KCNT1: variants seen among roughly 807,000 people sequenced by gnomAD.
The protein encoded by KCNT1 is potassium sodium-activated channel subfamily T member 1.
KCNT1 carries 78 observed loss-of-function variants against 147.8 expected under a neutral mutation model. That is an observed-to-expected ratio of 0.53 (90% CI 0.44 to 0.64). The LOEUF (loss-of-function observed/expected upper bound fraction) is 0.64, where lower values mean the gene tolerates loss of function less well. Among genes scored for constraint, KCNT1 ranks in the 30% least tolerant of loss-of-function variants. The pLI is 0.00. For missense variants in KCNT1, 1,419 were observed against 1,750.3 expected (o/e 0.81, Z 3.38); for synonymous variants, 867 against 748.8 (o/e 1.16, Z -2.58).
At chr9:135,753,864 A>C in intron 4 of KCNT1, 73 bp from the exon 5 acceptor site, 1 of 1,534,502 alleles carries the variant, frequency 6.5e-7, no homozygotes, top group East Asian at 2.3e-5. Context: ...AGCCTGTGGA[A>C]GCCCTCGGGC....
At position 135,714,743 on chromosome 9, in the gene KCNT1, G is replaced by A; in HGVS notation, c.254+23G>A. The A allele has an allele frequency of 7.8e-7, 1 of 1,278,652 alleles. No individual in the cohort carries two copies. Among genetic ancestry groups the A allele is most frequent in the Non-Finnish European group, 1.0e-6 (1 of 997,606 alleles). 79.2% of individuals were successfully genotyped at this position (1,278,652 alleles called of 1,614,324 possible). A position where few individuals can be genotyped will look rare whatever the true frequency, so the allele number is the denominator to read the frequency against. ...CAGGTAGGGACCGGGCGCGGGGTGG[G>A]GGCTGGGGTCGCCGTCCCGGCGCCG... On this transcript the variant is annotated intron_variant, in intron 2 of 30. Coordinates refer to ENST00000371757, the MANE Select transcript of KCNT1 (RefSeq NM_020822.3). This position sits in a 1 kb window ranked among gnomAD's most constrained non-coding sequence, Gnocchi z 6.2.
chr9:135,718,269 G>A (rs1383255441), intron 2 of KCNT1, among the ~76,000 whole-genome samples: 2 of 152,260 alleles, frequency 1.3e-5, no homozygotes, highest in Admixed American at 6.5e-5. Context: ...GTGACTCACA[G>A]GAGCCGTGTG....
At chr9:135,785,826 G>A (rs1834001589) in intron 28 of KCNT1, 1 of 427,372 alleles carries the variant, frequency 2.3e-6, no homozygotes, top group Non-Finnish European at 4.2e-6. Context: ...CACGCAGAGG[G>A]GGTGACCTCT....
rs867356507 is a variant in KCNT1 at position 135,758,322 on chromosome 9, G to A, written c.760-92G>A. 68 of 906,586 alleles carry A rather than the reference G, an allele frequency of 7.5e-5. 1 individual carries two copies. In the Middle Eastern group the frequency reaches 2.2e-3, roughly 29 times the overall value. 56.2% of individuals were successfully genotyped at this position (906,586 alleles called of 1,614,324 possible). ...GCCGAGACGCAGGTGTGGCCGGGCC[G>A]TCTGCTTTCCACTGTCCTTCTAGTC... On this transcript the variant is annotated intron_variant, in intron 9 of 30. Coordinates refer to ENST00000371757, the MANE Select transcript of KCNT1 (RefSeq NM_020822.3).
intron 22 of KCNT1, 76 bp downstream of exon 22, chr9:135,778,571 C>A: frequency 6.2e-7 from 1 of 1,602,372 alleles, no homozygotes; most frequent in Non-Finnish European, 8.5e-7. Flanking sequence ...CTGGGGTGAC[C>A]CCGACCGCAG....
chr9:135,752,260 G>A lies in KCNT1; in HGVS notation c.434+1219G>A, dbSNP rs765939745. The A allele has an allele frequency of 6.3e-5, 27 of 429,854 alleles. No homozygotes were observed. The highest frequency in any genetic ancestry group is 1.3e-4 in the Admixed American group (5 of 37,716). The allele number at this position is 429,854 out of a possible 1,614,324, so 26.6% of individuals were successfully genotyped here. A position where few individuals can be genotyped will look rare whatever the true frequency, so the allele number is the denominator to read the frequency against. ...GCCTGGCTTCTGGGGACCTAAAGGC[G>A]TCCATGTAAACTTTTGCTCAATCCC... On this transcript the variant is annotated intron_variant, in intron 4 of 30. Coordinates refer to ENST00000371757, the MANE Select transcript of KCNT1 (RefSeq NM_020822.3). The surrounding 1 kb of genome is among the most constrained non-coding windows in gnomAD (Gnocchi z 5.1).
intron 2 of KCNT1, among the ~76,000 whole-genome samples, chr9:135,732,024 A>AGAGAGAGAGAGGGAGAGG (rs1554766184): frequency 2.3e-4 from 15 of 65,084 alleles, no homozygotes; most frequent in Non-Finnish European, 4.1e-4. Flanking sequence ...AGAGAGAGAG[A>AGAGAGAGAGAGGGAGAGG]GAGAGAGAGA....
chr9:135,710,465 C>T (rs1399431540), intron 1 of KCNT1, among the ~76,000 whole-genome samples: 1 of 152,316 alleles, frequency 6.6e-6, no homozygotes. Flanking sequence ...GGAAGGATGT[C>T]GCCCCTCCTG....
Position 135,714,775 on chromosome 9 carries a change from G to T in KCNT1, c.254+55G>T, listed in dbSNP as rs532838489. On this transcript the variant is annotated intron_variant, in intron 2 of 30. Coordinates refer to ENST00000371757, the MANE Select transcript of KCNT1 (RefSeq NM_020822.3). The surrounding 1 kb of genome is among the most constrained non-coding windows in gnomAD (Gnocchi z 6.2). ...GGTCGCCGTCCCGGCGCCGCCGCAC[G>T]CCCGGAGCTGTCCGCGGTGCTGACG... 7.9e-6 allele frequency: 9 copies of T among 1,145,792 alleles called. No homozygotes were observed. Among genetic ancestry groups the T allele is most frequent in the African/African-American group, 1.7e-5 (1 of 60,034 alleles). 71.0% of individuals were successfully genotyped at this position (1,145,792 alleles called of 1,614,324 possible). A position where few individuals can be genotyped will look rare whatever the true frequency, so the allele number is the denominator to read the frequency against.
At chr9:135,750,204 C>T in intron 3 of KCNT1, 27 bp downstream of exon 3, 1 of 1,585,840 alleles carries the variant, frequency 6.3e-7, no homozygotes, top group Non-Finnish European at 8.7e-7. Flanking sequence ...GAGGGCCACT[C>T]CCAGGCAGGG....
rs149960236 is a variant in KCNT1, at chr9:135,765,129, C to T, written c.1134C>T (p.Val378=). 1.1e-3 allele frequency: 1,735 copies of T among 1,613,578 alleles called. 1 individual carries two copies. Among genetic ancestry groups the T allele is most frequent in the Non-Finnish European group, 1.3e-3 (1,558 of 1,179,948 alleles). The part of the protein sequence containing the change: ...AQTEKHVVLC[V]SSLKIDLLMD... ...CGGAGAAGCACGTGGTCCTGTGTGT[C>T]AGCTCCCTCAAGATCGACCTTCTCA... Residue 378 remains valine, a synonymous_variant, in exon 12 of 31, where the codon GTC becomes GTT. Transcript: ENST00000371757.
chr9:135,768,769 G>A (rs1832507980), intron 14 of KCNT1, 60 bp from the exon 15 acceptor site: 1 of 1,548,030 alleles, frequency 6.5e-7, no homozygotes. Context: ...GGCTGCCGGT[G>A]CCGCCCAGCA....
chr9:135,767,226 G>A (rs917593267), intron 13 of KCNT1, among the ~76,000 whole-genome samples: 9 of 152,064 alleles, frequency 5.9e-5, no homozygotes, highest in South Asian at 2.1e-4. Context: ...TTGTGGTCCC[G>A]TCCCCAGCAC....
chr9:135,778,674 G>A lies in KCNT1; in HGVS notation c.2595-14G>A, dbSNP rs1362632607. On this transcript the variant is annotated splice_polypyrimidine_tract_variant and intron_variant, in intron 22 of 30. Transcript: ENST00000371757. ...GCCGCATCCTCAGCCACGGGCCCTC[G>A]GTCCCGCCACCAGCCTGGACAGCCT... The A allele has an allele frequency of 5.6e-6, 9 of 1,613,124 alleles. No homozygotes were observed. The highest frequency in any genetic ancestry group is 1.3e-5 in the African/African-American group (1 of 74,886).
intron 29 of KCNT1, chr9:135,789,059 C>T (rs1335482720): frequency 1.3e-5 from 2 of 152,334 alleles, no homozygotes; most frequent in African/African-American, 2.4e-5. Flanking sequence ...CGGCTCTGTG[C>T]TTTTCCCCAC....
intron 13 of KCNT1, 142 bp from the exon 14 acceptor site, chr9:135,768,468 C>T (rs889561746): frequency 4.8e-6 from 3 of 625,228 alleles, no homozygotes; most frequent in Admixed American, 5.6e-5. Flanking sequence ...GCCTTCCATC[C>T]AGCCGTCCTC....
intron 1 of KCNT1, among the ~76,000 whole-genome samples, chr9:135,707,833 C>T (rs1408750102): frequency 6.6e-6 from 1 of 152,190 alleles, no homozygotes; most frequent in Admixed American, 6.5e-5. Flanking sequence ...TGAAGTCTGT[C>T]TGGATAAATC....
intron 3 of KCNT1, 125 bp downstream of exon 3, chr9:135,750,302 G>A: frequency 4.1e-6 from 3 of 731,124 alleles, no homozygotes; most frequent in Admixed American, 2.0e-5. Flanking sequence ...GGAGCCACCT[G>A]AGTGCTGCGG....
chr9:135,758,601 C>A, intron 10 of KCNT1, 93 bp downstream of exon 10: 1 of 1,031,440 alleles, frequency 9.7e-7, no homozygotes, highest in Non-Finnish European at 1.5e-6. Context: ...TGCCTATGTC[C>A]AAGCTATCGG....
Sources: gnomAD v4.1 joint callset for allele counts (sites outside exome capture counted in the v4.1 genomes callset) on GRCh38, gnomAD v4.1.1 for gene constraint, Gnocchi (gnomAD v3.1) non-coding constraint, MANE v1.5 for transcripts, NCBI Gene and HGNC (gene_info 2026-07-23, HGNC 2026-07-21) for gene names.